Variants in SFMBT2 observed in about 807,000 individuals in gnomAD.
SFMBT2 encodes the protein scm-like with four MBT domains protein 2.
Under a neutral mutation model 110.1 loss-of-function variants are expected in SFMBT2, and 38 were observed. The observed-to-expected ratio is 0.35, with a 90% confidence interval of 0.27 to 0.45. The LOEUF (loss-of-function observed/expected upper bound fraction) is 0.45. Among genes scored for constraint, SFMBT2 ranks in the 20% least tolerant of loss-of-function variants. The pLI is 1.00. For synonymous variants in SFMBT2, 425 were observed against 425.4 expected (o/e 1.00, Z 0.01); for missense variants, 1,011 against 1,094.9 (o/e 0.92, Z 1.08).
chr10:7,403,546 G>A (rs564888641), intron 1 of SFMBT2, among the ~76,000 whole-genome samples: 1 of 152,162 alleles, frequency 6.6e-6, no homozygotes, highest in Non-Finnish European at 1.5e-5. Context: ...GGAGGCTGAG[G>A]GGGGAGAATT....
At chr10:7,401,714 C>CT (rs1290002575) in intron 1 of SFMBT2, among the ~76,000 whole-genome samples, 1 of 152,218 alleles carries the variant, frequency 6.6e-6, no homozygotes, top group Non-Finnish European at 1.5e-5. Flanking sequence ...TTTCCCACTT[C>CT]TCTGTGCTTA....
intron 5 of SFMBT2, chr10:7,284,923 A>G (rs1328451394): frequency 1.3e-5 from 2 of 152,236 alleles, no homozygotes; most frequent in Non-Finnish European, 2.9e-5. Flanking sequence ...CATCATTTTG[A>G]TTTGTTAATG....
Position 7,377,987 on chromosome 10 carries a change from A to C in SFMBT2, c.100+3812T>G, listed in dbSNP as rs986081426. Among the ~76,000 whole-genome samples, 80 of 25,214 alleles carry C rather than the reference A, an allele frequency of 3.2e-3. 2 individuals are homozygous for C. In the East Asian group the frequency reaches 0.085, roughly 27 times the overall value. The allele number at this position is 25,214 out of a possible 152,430, so 16.5% of individuals were successfully genotyped here. A position where few individuals can be genotyped will look rare whatever the true frequency, so the allele number is the denominator to read the frequency against. ...GGGGGGGGTTGTGTGTGTGGGGGGG[A>C]GGTGGGTGTGAATGTGGGGGTGTAT... On this transcript the variant is annotated intron_variant, in intron 2 of 20. Transcript: ENST00000397167.
At chr10:7,351,438 C>A (rs182451958) in intron 4 of SFMBT2, among the ~76,000 whole-genome samples, 1 of 152,168 alleles carries the variant, frequency 6.6e-6, no homozygotes, top group Admixed American at 6.5e-5. Flanking sequence ...ATGCACAAAA[C>A]GATCCTGTAA....
In SFMBT2 at chr10:7,200,374, G is replaced by A. The variant is rs139088673; in HGVS notation, c.1558+40C>T. On this transcript the variant is annotated intron_variant, in intron 14 of 20. Transcript: ENST00000397167. Reference sequence around the variant, plus strand: ...TACATGTCTCTGCTCCCGGCTGCACGGTGGGAAGGCACAGAGACCCCCTAA... The same window carrying A: ...TACATGTCTCTGCTCCCGGCTGCACAGTGGGAAGGCACAGAGACCCCCTAA... 6.7e-4 allele frequency: 992 copies of A among 1,479,176 alleles called. 8 individuals are homozygous for A. In the African/African-American group the frequency reaches 0.011, roughly 16 times the overall value. 91.6% of individuals were successfully genotyped at this position (1,479,176 alleles called of 1,614,324 possible). A position where few individuals can be genotyped will look rare whatever the true frequency, so the allele number is the denominator to read the frequency against.
intron 15 of SFMBT2, among the ~76,000 whole-genome samples, chr10:7,195,429 G>A (rs1838737405): frequency 6.6e-6 from 1 of 152,130 alleles, no homozygotes; most frequent in South Asian, 2.1e-4. Context: ...TGCCACTTAG[G>A]CTTAGTGAGA....
At chr10:7,358,818 T>C (rs74117717) in intron 4 of SFMBT2, among the ~76,000 whole-genome samples, 3,540 of 150,556 alleles carry the variant, frequency 0.024, 120 homozygotes, top group African/African-American at 0.082. Context: ...AATGGAGGCA[T>C]GGTGGCCCTG....
chr10:7,406,250 AAAAAAG>A (rs1217894060), intron 1 of SFMBT2, among the ~76,000 whole-genome samples: 16 of 152,202 alleles, frequency 1.1e-4, no homozygotes, highest in South Asian at 2.1e-4. Context: ...AAATTATTTA[AAAAAAG>A]AAAAAGAAAA....
chr10:7,179,321 C>T (rs1164285533), intron 16 of SFMBT2, among the ~76,000 whole-genome samples: 3 of 148,074 alleles, frequency 2.0e-5, no homozygotes, highest in Non-Finnish European at 4.4e-5. Flanking sequence ...CTTCCCTCTC[C>T]GTGCCTTTGA....
At chr10:7,237,701 C>T (rs1429568091) in intron 9 of SFMBT2, among the ~76,000 whole-genome samples, 1 of 152,184 alleles carries the variant, frequency 6.6e-6, no homozygotes, top group Non-Finnish European at 1.5e-5. Flanking sequence ...ACAAACACCC[C>T]TGCTGCTGTG....
intron 4 of SFMBT2, among the ~76,000 whole-genome samples, chr10:7,317,641 C>CAGA (rs1843057351): frequency 1.1e-5 from 1 of 92,848 alleles, no homozygotes; most frequent in African/African-American, 4.6e-5. Context: ...AACTCCGTCT[C>CAGA]AAAAAAAAAA....
intron 4 of SFMBT2, among the ~76,000 whole-genome samples, chr10:7,311,705 T>C (rs951371817): frequency 3.3e-5 from 5 of 152,222 alleles, no homozygotes; most frequent in Non-Finnish European, 5.9e-5. Context: ...GCTGAAGATA[T>C]ATAAATTACA....
At chr10:7,197,775 A>C in intron 14 of SFMBT2, 88 bp from the exon 15 acceptor site, 1 of 1,512,896 alleles carries the variant, frequency 6.6e-7, no homozygotes. Context: ...CCACATGGTC[A>C]GGGAAAAGGA....
intron 1 of SFMBT2, among the ~76,000 whole-genome samples, chr10:7,397,929 T>C (rs552767390): frequency 1.3e-5 from 2 of 152,316 alleles, no homozygotes; most frequent in East Asian, 3.9e-4. Flanking sequence ...CATCATCAAG[T>C]GAGACGAGCT....
At chr10:7,395,551 A>G (rs911910101) in intron 1 of SFMBT2, among the ~76,000 whole-genome samples, 12 of 152,204 alleles carry the variant, frequency 7.9e-5, no homozygotes, top group Non-Finnish European at 1.0e-4. Context: ...TTTCATTCTA[A>G]GAGTCATTCA....
At chr10:7,257,176 C>T (rs545793914) in intron 7 of SFMBT2, among the ~76,000 whole-genome samples, 10 of 151,482 alleles carry the variant, frequency 6.6e-5, no homozygotes, top group East Asian at 3.9e-4. Context: ...TAGAGTATCA[C>T]GCTGGAAAAA....
At chr10:7,187,304 C>T (rs1280371173) in intron 16 of SFMBT2, among the ~76,000 whole-genome samples, 1 of 152,024 alleles carries the variant, frequency 6.6e-6, no homozygotes, top group African/African-American at 2.4e-5. Context: ...TGTTTTCTGC[C>T]CCCACTACTA....
In SFMBT2 at chr10:7,397,557, C is replaced by T. The variant is rs182246789; in HGVS notation, c.-52+13304G>A. Among the ~76,000 whole-genome samples the T allele has an allele frequency of 1.1e-3, 165 of 152,160 alleles. 1 individual carries two copies. The highest frequency in any genetic ancestry group is 3.4e-3 in the African/African-American group (142 of 41,516). ...CCAGGAATTTCAAAATGAGCACAGG[C>T]ATCTATGCTGAGACCTTTCAAAATA... On this transcript the variant is annotated intron_variant, in intron 1 of 20. Transcript: ENST00000397167.
At chr10:7,323,217 G>A (rs1227895454) in intron 4 of SFMBT2, among the ~76,000 whole-genome samples, 1 of 152,134 alleles carries the variant, frequency 6.6e-6, no homozygotes, top group Non-Finnish European at 1.5e-5. Flanking sequence ...ACTTTGGGAG[G>A]CTGAGGCGGG....
Sources: allele counts gnomAD v4.1 joint callset (sites outside exome capture counted in the v4.1 genomes callset), GRCh38; gene constraint gnomAD v4.1.1; transcripts MANE v1.5; gene names NCBI Gene and HGNC (gene_info 2026-07-23, HGNC 2026-07-21).